GLI2: variants seen among roughly 807,000 people sequenced by gnomAD.
The protein encoded by GLI2 is GLI family zinc finger 2, also known as transcription activator GLI2.
A neutral mutation model predicts 78.9 loss-of-function variants in GLI2; 22 were observed. The observed-to-expected ratio is 0.28, with a 90% CI of 0.20 to 0.40. The LOEUF is 0.40. Ranked by LOEUF, GLI2 falls within the 10% of genes least tolerant of loss-of-function variation. GLI2 has a pLI of 1.00. For synonymous variants in GLI2, 974 were observed against 963.7 expected, an observed-to-expected ratio of 1.01 and a Z score of -0.20; for missense variants, 2,097 against 2,213.2, an observed-to-expected ratio of 0.95 and a Z score of 1.05.
chr2:120,958,591 C>T (rs1681391231), intron 5 of GLI2, among the ~76,000 whole-genome samples: 1 of 152,154 alleles, frequency 6.6e-6, no homozygotes, highest in Non-Finnish European at 1.5e-5. Context: ...CCACTTCTAG[C>T]CCCCTCAGGA....
chr2:120,830,002 G>T (rs1337955940), intron 2 of GLI2, among the ~76,000 whole-genome samples: 1 of 152,198 alleles, frequency 6.6e-6, no homozygotes, highest in East Asian at 1.9e-4. Flanking sequence ...TGTGTGTAAA[G>T]TTTCCTTAGA....
At chr2:120,772,285 T>C (rs543345310) in intron 1 of GLI2, among the ~76,000 whole-genome samples, 2 of 152,246 alleles carry the variant, frequency 1.3e-5, no homozygotes, top group South Asian at 4.2e-4. Context: ...CCGCAAGGTC[T>C]CCTTTCTCTG....
intron 1 of GLI2, among the ~76,000 whole-genome samples, chr2:120,795,510 G>A (rs1684344904): frequency 6.7e-6 from 1 of 148,226 alleles, no homozygotes; most frequent in South Asian, 2.2e-4. Flanking sequence ...GTGACAGAGT[G>A]AGACTCTATC....
chr2:120,942,045 C>T (rs79401576), intron 3 of GLI2, among the ~76,000 whole-genome samples: 4 of 152,242 alleles, frequency 2.6e-5, no homozygotes, highest in Non-Finnish European at 4.4e-5. Context: ...CTGGTTATTC[C>T]GAGCAATAAA....
chr2:120,746,539 T>G (rs1226017239), intron 1 of GLI2, among the ~76,000 whole-genome samples: 1 of 152,238 alleles, frequency 6.6e-6, no homozygotes, highest in African/African-American at 2.4e-5. Context: ...TTTCTTCTGC[T>G]TCTGTTTTCT....
At position 120,986,415 on chromosome 2, in the gene GLI2, T is replaced by C; in HGVS notation, c.2043T>C (p.Asp681=). 6.2e-7 allele frequency: 1 copy of C among 1,613,804 alleles called. No individual in the cohort carries two copies. Among genetic ancestry groups the C allele is most frequent in the Non-Finnish European group, 8.5e-7 (1 of 1,180,012 alleles). The change falls in exon 13 of 14, where the codon GAT becomes GAC. Residue 681 remains aspartate (D), a synonymous_variant. Coordinates refer to ENST00000361492, the MANE Select transcript of GLI2 (RefSeq NM_001374353.1). ...PGSLGDLTAL[D]DTPPGADTSA... is the part of the protein sequence containing the mutation. ...GCCTGGGAGACCTGACGGCACTGGA[T>C]GACACACCCCCAGGGGCCGACACCT...
rs576283116 is a variant in GLI2, at chr2:120,859,391, C to T, written c.148+61923C>T. On this transcript the variant is annotated intron_variant, in intron 2 of 13. Transcript: ENST00000361492. ...GAAGGGCTGTTTCCTGAAACAAGAG[C>T]AGGGAAGCTGTGTTGAGTGAATGCA... is the stretch of plus-strand genomic sequence containing the variant. Among the ~76,000 whole-genome samples, 19 of 151,652 alleles carry T rather than the reference C, an allele frequency of 1.3e-4. 1 individual carries two copies. Among genetic ancestry groups the T allele is most frequent in the African/African-American group, 4.4e-4 (18 of 41,292 alleles).
At chr2:120,790,826 AC>A (rs1023458824) in intron 1 of GLI2, among the ~76,000 whole-genome samples, 3 of 151,806 alleles carry the variant, frequency 2.0e-5, no homozygotes. Flanking sequence ...TAGGCCTCAG[AC>A]CCCACAGGCA....
At chr2:120,862,493 TA>T (rs1687946727) in intron 2 of GLI2, among the ~76,000 whole-genome samples, 1 of 152,106 alleles carries the variant, frequency 6.6e-6, no homozygotes, top group Admixed American at 6.5e-5. Context: ...TCCTTATCTG[TA>T]AAACATGCTG....
intron 2 of GLI2, 133 bp downstream of exon 2, chr2:120,797,601 C>A: frequency 1.2e-6 from 1 of 834,704 alleles, no homozygotes. Flanking sequence ...GAAGGCACCT[C>A]TGCTCCCAGG....
rs1459472259 is a variant in GLI2 at position 120,951,415 on chromosome 2, T to C, written c.427T>C (p.Ser143Pro). Residue 143 changes from serine (S) to proline (P), a missense_variant, in exon 4 of 14, where the codon TCT becomes CCT. Physicochemically the swap from Ser to Pro is moderately conservative, Grantham distance 74. Coordinates refer to ENST00000361492, the MANE Select transcript of GLI2 (RefSeq NM_001374353.1). ...VHSSPTLSMISAARGLSPADV... is the reference protein window; with the variant it reads ...VHSSPTLSMIPAARGLSPADV... ...CAGCAGCCCCACGCTCTCCATGATC[T>C]CTGCAGCCAGGGGCCTCAGCCCCGC... 4 of 1,613,270 alleles carry C rather than the reference T, an allele frequency of 2.5e-6. No individual in the cohort carries two copies. The South Asian group carries it at 4.4e-5, about 18-fold the overall frequency.
At position 120,847,768 on chromosome 2, in the gene GLI2, G is replaced by A. The variant is rs991058391; in HGVS notation, c.148+50300G>A. Among the ~76,000 whole-genome samples the A allele has an allele frequency of 2.0e-5, 3 of 151,348 alleles. No individual in the cohort carries two copies. In the South Asian group the frequency reaches 6.3e-4, roughly 32 times the overall value. ...CTGCGTGGGGGGCAGGGGCGGGGGG[G>A]CGGTGGTTCCTATTTGGAGCCAGGG... On this transcript the variant is annotated intron_variant, in intron 2 of 13. Transcript: ENST00000361492.
intron 3 of GLI2, among the ~76,000 whole-genome samples, chr2:120,942,898 G>A (rs189420775): frequency 2.8e-5 from 4 of 141,920 alleles, no homozygotes; most frequent in East Asian, 2.0e-4. Context: ...TCACTCATTC[G>A]TTCACACCCT....
At chr2:120,762,763 C>T (rs563850041) in intron 1 of GLI2, among the ~76,000 whole-genome samples, 56 of 152,344 alleles carry the variant, frequency 3.7e-4, no homozygotes, top group Middle Eastern at 3.4e-3. Context: ...CCTGCAGAGA[C>T]GTGGCTGGGT....
intron 5 of GLI2, among the ~76,000 whole-genome samples, chr2:120,964,824 G>A (rs983707137): frequency 6.6e-6 from 1 of 152,214 alleles, no homozygotes; most frequent in Non-Finnish European, 1.5e-5. Flanking sequence ...CCTGGCCCTG[G>A]GCCTCTGCTG....
Position 120,900,748 on chromosome 2 carries a change from A to G in GLI2, c.149-26613A>G, listed in dbSNP as rs557627825. Among the ~76,000 whole-genome samples, 96 of 152,328 alleles carry G rather than the reference A, an allele frequency of 6.3e-4. 1 individual carries two copies. The highest frequency in any genetic ancestry group is 9.8e-4 in the Admixed American group (15 of 15,298). ...CGTGGAGACGGACATTGTATCCAAA[A>G]ATCGGAGGTCAGTGATGTTGAGCGG... On this transcript the variant is annotated intron_variant, in intron 2 of 13. Coordinates refer to ENST00000361492, the MANE Select transcript of GLI2 (RefSeq NM_001374353.1).
intron 2 of GLI2, among the ~76,000 whole-genome samples, chr2:120,844,958 G>A (rs972661515): frequency 6.8e-6 from 1 of 147,550 alleles, no homozygotes; most frequent in African/African-American, 2.5e-5. Flanking sequence ...TAGACTGGGT[G>A]GGAGGAGCAG....
intron 2 of GLI2, among the ~76,000 whole-genome samples, chr2:120,838,440 A>G (rs1232440987): frequency 6.6e-6 from 1 of 152,212 alleles, no homozygotes; most frequent in African/African-American, 2.4e-5. Context: ...GTCATTTACA[A>G]ATGGTGATAG....
intron 2 of GLI2, among the ~76,000 whole-genome samples, chr2:120,920,369 CCA>C (rs1177618086): frequency 1.3e-5 from 2 of 152,218 alleles, no homozygotes. Flanking sequence ...TTTCCATGAC[CCA>C]GTTTTCCCGA....
Sources: allele counts gnomAD v4.1 joint callset (sites outside exome capture counted in the v4.1 genomes callset), GRCh38; gene constraint gnomAD v4.1.1; transcripts MANE v1.5; gene names NCBI Gene and HGNC (gene_info 2026-07-23, HGNC 2026-07-21).